CTNNA3: variants seen among roughly 807,000 people sequenced by gnomAD.
CTNNA3 encodes catenin alpha-3.
CTNNA3 carries 76 observed loss-of-function variants against 95.7 expected under a neutral mutation model. That is an observed-to-expected ratio of 0.79 (90% CI 0.66 to 0.96). The LOEUF is 0.96. CTNNA3 is among the 40% of genes least tolerant of loss of function. The pLI is 0.00. For missense variants in CTNNA3, 1,191 were observed against 1,089.8 expected, an observed-to-expected ratio of 1.09 and a Z score of -1.31; for synonymous variants, 431 against 374.4, an observed-to-expected ratio of 1.15 and a Z score of -1.74.
intron 7 of CTNNA3, among the ~76,000 whole-genome samples, chr10:67,063,314 G>C (rs1855871573): frequency 6.6e-6 from 1 of 151,970 alleles, no homozygotes; most frequent in Admixed American, 6.6e-5. Context: ...ATGATTTTGG[G>C]GAACAACATA....
At chr10:66,302,022 C>T (rs1424468273) in intron 12 of CTNNA3, among the ~76,000 whole-genome samples, 2 of 151,950 alleles carry the variant, frequency 1.3e-5, no homozygotes, top group African/African-American at 4.8e-5. Context: ...TTCTTATACA[C>T]CAGCAATGAA....
chr10:66,630,128 A>G (rs1230209019), intron 9 of CTNNA3, among the ~76,000 whole-genome samples: 3 of 152,310 alleles, frequency 2.0e-5, no homozygotes, highest in East Asian at 1.9e-4. Context: ...CACACAGTAG[A>G]CAGTCTATAA....
intron 13 of CTNNA3, among the ~76,000 whole-genome samples, chr10:66,250,056 A>G (rs1020445038): frequency 2.0e-5 from 3 of 152,216 alleles, no homozygotes; most frequent in African/African-American, 7.2e-5. Flanking sequence ...ATGGAGTACT[A>G]TTCAGTCATA....
At chr10:67,430,588 G>C (rs1846077110) in intron 5 of CTNNA3, among the ~76,000 whole-genome samples, 1 of 151,714 alleles carries the variant, frequency 6.6e-6, no homozygotes, top group Non-Finnish European at 1.5e-5. Flanking sequence ...ATAGGAAAAT[G>C]GTTATGATCC....
rs1375798265 is a variant in CTNNA3, at chr10:67,556,348, C to A, written c.293-16679G>T. Among the ~76,000 whole-genome samples, 4 of 152,102 alleles carry A rather than the reference C, an allele frequency of 2.6e-5. No individual in the cohort carries two copies. In the East Asian group the frequency reaches 7.7e-4, roughly 29 times the overall value. ...GGAATAGTACCAGCTCCTTTTTGTA[C>A]CTCTGGTAGAATTCAGGTGTGAATC... On this transcript the variant is annotated intron_variant, in intron 3 of 17. Coordinates refer to ENST00000433211, the MANE Select transcript of CTNNA3 (RefSeq NM_013266.4).
intron 16 of CTNNA3, among the ~76,000 whole-genome samples, chr10:65,968,976 G>A (rs763390099): frequency 5.9e-5 from 9 of 152,222 alleles, no homozygotes; most frequent in East Asian, 1.9e-4. Flanking sequence ...TGAGGAGGGA[G>A]CTCAGAGCAT....
chr10:67,734,502 T>C (rs1435903353), intron 1 of CTNNA3, among the ~76,000 whole-genome samples: 1 of 152,168 alleles, frequency 6.6e-6, no homozygotes, highest in African/African-American at 2.4e-5. Context: ...CATGAAAGAT[T>C]GTACCTATTA....
chr10:67,179,864 C>A (rs1481020438), intron 7 of CTNNA3, among the ~76,000 whole-genome samples: 1 of 152,040 alleles, frequency 6.6e-6, no homozygotes, highest in East Asian at 1.9e-4. Flanking sequence ...ACATAACAAC[C>A]TGCATGGGCT....
In CTNNA3 at chr10:66,927,387, G is replaced by A; in HGVS notation, c.1048-151863C>T. ...GATCTGAACAGTTTCGGGGCTTGCG[G>A]AAGCTGCTGAGTTTACATTTACGGT... is the stretch of plus-strand genomic sequence containing the variant. On this transcript the variant is annotated intron_variant, in intron 7 of 17. Coordinates refer to ENST00000433211, the MANE Select transcript of CTNNA3 (RefSeq NM_013266.4). The surrounding 1 kb of genome is among the most constrained non-coding windows in gnomAD (Gnocchi z 4.7). The A allele has an allele frequency of 6.2e-7, 1 of 1,614,150 alleles. No individual in the cohort carries two copies. Among genetic ancestry groups the A allele is most frequent in the South Asian group, 1.1e-5 (1 of 91,080 alleles).
At chr10:67,613,614 AT>A (rs1301479879) in intron 2 of CTNNA3, among the ~76,000 whole-genome samples, 4 of 149,388 alleles carry the variant, frequency 2.7e-5, no homozygotes, top group Non-Finnish European at 5.9e-5. Context: ...AGTATATTAT[AT>A]CCAGTCTTTT....
intron 7 of CTNNA3, among the ~76,000 whole-genome samples, chr10:66,779,837 T>A (rs539792763): frequency 6.6e-6 from 1 of 152,328 alleles, no homozygotes; most frequent in South Asian, 2.1e-4. Context: ...ATCTTTATCA[T>A]CTACTATATG....
intron 1 of CTNNA3, among the ~76,000 whole-genome samples, chr10:67,707,643 C>T (rs1366940770): frequency 6.6e-6 from 1 of 152,044 alleles, no homozygotes; most frequent in Non-Finnish European, 1.5e-5. Flanking sequence ...GGGGCAGTGG[C>T]AGTGTCCGTT....
chr10:66,338,809 C>T (rs551230862), intron 12 of CTNNA3, among the ~76,000 whole-genome samples: 1 of 151,856 alleles, frequency 6.6e-6, no homozygotes, highest in South Asian at 2.1e-4. Flanking sequence ...ATTTTTCTTT[C>T]CTTTGACCCA....
chr10:66,665,389 C>T (rs1027369651), intron 9 of CTNNA3, among the ~76,000 whole-genome samples: 7 of 152,176 alleles, frequency 4.6e-5, no homozygotes, highest in Admixed American at 3.3e-4. Flanking sequence ...AGCAACAACT[C>T]TTTTGGTATT....
chr10:66,392,424 C>A (rs1347496115), intron 11 of CTNNA3, among the ~76,000 whole-genome samples: 1 of 151,276 alleles, frequency 6.6e-6, no homozygotes, highest in Admixed American at 6.6e-5. Context: ...AGTGAGACCC[C>A]TTCTCAAAAA....
intron 1 of CTNNA3, among the ~76,000 whole-genome samples, chr10:67,654,649 G>C (rs1839971252): frequency 6.6e-6 from 1 of 151,964 alleles, no homozygotes; most frequent in Admixed American, 6.6e-5. Flanking sequence ...CACCACACCT[G>C]GCTGTTATTC....
intron 7 of CTNNA3, among the ~76,000 whole-genome samples, chr10:66,979,451 A>T (rs1850285733): frequency 6.6e-6 from 1 of 152,188 alleles, no homozygotes; most frequent in Non-Finnish European, 1.5e-5. Context: ...AAATTTAGTA[A>T]TGTAAGAGTT....
intron 5 of CTNNA3, among the ~76,000 whole-genome samples, chr10:67,275,087 A>T (rs145425907): frequency 5.3e-5 from 8 of 152,180 alleles, no homozygotes; most frequent in African/African-American, 1.9e-4. Context: ...GTCAGTAAAA[A>T]TGTTCCAGAG....
At chr10:66,712,563 C>T (rs1473948832) in intron 9 of CTNNA3, among the ~76,000 whole-genome samples, 1 of 151,994 alleles carries the variant, frequency 6.6e-6, no homozygotes, top group African/African-American at 2.4e-5. Flanking sequence ...TCAAATCAGT[C>T]TCTCTCTTAA....
Sources: gnomAD v4.1 joint callset for allele counts (sites outside exome capture counted in the v4.1 genomes callset) on GRCh38, gnomAD v4.1.1 for gene constraint, Gnocchi (gnomAD v3.1) non-coding constraint, MANE v1.5 for transcripts, NCBI Gene and HGNC (gene_info 2026-07-23, HGNC 2026-07-21) for gene names.